SMYD3: variants seen among roughly 807,000 people sequenced by gnomAD.
The protein encoded by SMYD3 is SET and MYND domain containing 3, also known as histone-lysine N-methyltransferase SMYD3.
Under a neutral mutation model 57.7 loss-of-function variants are expected in SMYD3, and 36 were observed. The ratio of observed to expected loss-of-function variants is 0.62; its 90% confidence interval spans 0.48 to 0.82. The LOEUF is 0.82. Among genes scored for constraint, SMYD3 ranks in the 40% least tolerant of loss-of-function variants. SMYD3 has a pLI of 0.00. For synonymous variants in SMYD3, 211 were observed against 195.0 expected (o/e 1.08, Z -0.68); for missense variants, 515 against 538.8 (o/e 0.96, Z 0.44).
At chr1:246,456,510 C>T (rs1365930614) in intron 1 of SMYD3, among the ~76,000 whole-genome samples, 2 of 152,164 alleles carry the variant, frequency 1.3e-5, no homozygotes, top group Non-Finnish European at 2.9e-5. Context: ...CCTACTCATC[C>T]ACCAACACCA....
At chr1:246,480,948 G>A (rs1354270175) in intron 1 of SMYD3, among the ~76,000 whole-genome samples, 1 of 152,012 alleles carries the variant, frequency 6.6e-6, no homozygotes, top group Non-Finnish European at 1.5e-5. Context: ...ACAGGCGTGT[G>A]CCACCACACC....
intron 2 of SMYD3, among the ~76,000 whole-genome samples, chr1:246,350,731 G>A (rs375981110): frequency 3.3e-5 from 5 of 152,166 alleles, no homozygotes; most frequent in Non-Finnish European, 4.4e-5. Flanking sequence ...GGCTGGAGAC[G>A]GAGTCTTGAG....
At chr1:245,840,865 CT>C (rs879434997) in intron 10 of SMYD3, among the ~76,000 whole-genome samples, 1 of 151,326 alleles carries the variant, frequency 6.6e-6, no homozygotes, top group Non-Finnish European at 1.5e-5. Flanking sequence ...TAAGGCCAAA[CT>C]TTTTTTTTCA....
At chr1:245,800,333 T>C (rs560125055) in intron 10 of SMYD3, among the ~76,000 whole-genome samples, 1 of 152,296 alleles carries the variant, frequency 6.6e-6, no homozygotes, top group East Asian at 1.9e-4. Context: ...TAGCTCTTCA[T>C]GCAGTTCATA....
rs142248598 is a variant in SMYD3, at chr1:246,445,579, G to A, written c.164+61475C>T. Among the ~76,000 whole-genome samples, 69 of 152,128 alleles carry A rather than the reference G, an allele frequency of 4.5e-4. No homozygotes were observed. The East Asian group carries it at 0.012, about 27-fold the overall frequency. On this transcript the variant is annotated intron_variant, in intron 1 of 11. Transcript: ENST00000490107. ...ATTTCTAAATGCATTTAAGATGCCC[G>A]GGGTCTAAAAACATACAACACAGTT... is the stretch of plus-strand genomic sequence containing the variant.
chr1:246,360,944 T>C (rs1036479285), intron 1 of SMYD3, among the ~76,000 whole-genome samples: 1 of 152,038 alleles, frequency 6.6e-6, no homozygotes, highest in Non-Finnish European at 1.5e-5. Flanking sequence ...CAAACATAAA[T>C]AGATGGGACT....
chr1:246,503,780 T>C (rs199775521), intron 1 of SMYD3, among the ~76,000 whole-genome samples: 2 of 152,034 alleles, frequency 1.3e-5, no homozygotes, highest in South Asian at 2.1e-4. Flanking sequence ...CTGACTAACA[T>C]GGTGAAACCC....
chr1:245,990,987 TAAG>T (rs1161086136), intron 5 of SMYD3, among the ~76,000 whole-genome samples: 2 of 152,170 alleles, frequency 1.3e-5, no homozygotes, highest in Non-Finnish European at 2.9e-5. Flanking sequence ...TGAAGCATCA[TAAG>T]AAGTCACAAT....
intron 5 of SMYD3, among the ~76,000 whole-genome samples, chr1:246,023,268 A>G (rs1272244814): frequency 1.3e-5 from 2 of 152,214 alleles, no homozygotes; most frequent in African/African-American, 2.4e-5. Flanking sequence ...GAAGGCACCG[A>G]GGGAGAGCTG....
chr1:246,439,351 T>C (rs1374087638), intron 1 of SMYD3, among the ~76,000 whole-genome samples: 1 of 152,220 alleles, frequency 6.6e-6, no homozygotes, highest in Non-Finnish European at 1.5e-5. Context: ...AATTCAAGTT[T>C]CCGTGGACTT....
At chr1:245,829,514 T>C (rs1452625919) in intron 10 of SMYD3, among the ~76,000 whole-genome samples, 1 of 152,140 alleles carries the variant, frequency 6.6e-6, no homozygotes, top group Non-Finnish European at 1.5e-5. Flanking sequence ...AGAGGTACTC[T>C]CCGTATTACT....
At chr1:246,127,676 A>T (rs1279723707) in intron 5 of SMYD3, among the ~76,000 whole-genome samples, 1 of 152,078 alleles carries the variant, frequency 6.6e-6, no homozygotes, top group Non-Finnish European at 1.5e-5. Flanking sequence ...CGGGTGGATC[A>T]CCTGAGGTCA....
At chr1:245,989,814 C>T (rs560057387) in intron 5 of SMYD3, among the ~76,000 whole-genome samples, 83 of 152,302 alleles carry the variant, frequency 5.4e-4, no homozygotes, top group African/African-American at 2.0e-3. Flanking sequence ...TAAACTTACT[C>T]AGAGCTTAAC....
At chr1:246,187,831 AC>A (rs2062666748) in intron 5 of SMYD3, among the ~76,000 whole-genome samples, 1 of 152,146 alleles carries the variant, frequency 6.6e-6, no homozygotes, top group Admixed American at 6.5e-5. Context: ...AGTACAAGAA[AC>A]CCATTTTGAA....
chr1:246,445,377 T>C (rs2067537540), intron 1 of SMYD3, among the ~76,000 whole-genome samples: 1 of 152,156 alleles, frequency 6.6e-6, no homozygotes, highest in African/African-American at 2.4e-5. Context: ...AATGGAGACA[T>C]ATTTTCAACT....
chr1:246,219,243 C>A (rs1300206078), intron 5 of SMYD3, among the ~76,000 whole-genome samples: 1 of 152,032 alleles, frequency 6.6e-6, no homozygotes, highest in Non-Finnish European at 1.5e-5. Context: ...TCCCACCCCA[C>A]CCTGTGCCTA....
intron 1 of SMYD3, among the ~76,000 whole-genome samples, chr1:246,376,498 G>C (rs1179098691): frequency 1.3e-5 from 2 of 149,258 alleles, no homozygotes. Context: ...GGCTGAGGCA[G>C]GAGAATGGTG....
chr1:245,806,164 A>G (rs551782143), intron 10 of SMYD3, among the ~76,000 whole-genome samples: 1 of 152,350 alleles, frequency 6.6e-6, no homozygotes, highest in African/African-American at 2.4e-5. Context: ...AGAAAGAGAA[A>G]GAAGAGAAAG....
At chr1:246,030,695 A>G (rs1380611915) in intron 5 of SMYD3, among the ~76,000 whole-genome samples, 2 of 152,200 alleles carry the variant, frequency 1.3e-5, no homozygotes, top group African/African-American at 4.8e-5. Context: ...TGTGTCAACT[A>G]AAAAGGAAAA....
Sources: gnomAD v4.1 joint callset for allele counts (sites outside exome capture counted in the v4.1 genomes callset) on GRCh38, gnomAD v4.1.1 for gene constraint, MANE v1.5 for transcripts, NCBI Gene and HGNC (gene_info 2026-07-23, HGNC 2026-07-21) for gene names.